The following CCDC149 variants were observed in gnomAD, a reference collection of about 807,000 sequenced individuals.
The protein encoded by CCDC149 is coiled-coil domain-containing protein 149.
Under a neutral mutation model 59.9 loss-of-function variants are expected in CCDC149, and 45 were observed. The ratio of observed to expected loss-of-function variants is 0.75; its 90% CI spans 0.59 to 0.96. The LOEUF is 0.96. CCDC149 is among the 40% of genes least tolerant of loss of function. CCDC149 has a pLI of 0.00. For missense variants in CCDC149, 584 were observed against 664.7 expected (o/e 0.88, Z 1.33); for synonymous variants, 245 against 260.6 (o/e 0.94, Z 0.58).
intron 1 of CCDC149, among the ~76,000 whole-genome samples, chr4:24,947,849 A>T (rs538839969): frequency 6.6e-6 from 1 of 152,152 alleles, no homozygotes; most frequent in East Asian, 1.9e-4. Context: ...GCAGATAGTT[A>T]GTGGCATTGA....
chr4:24,887,934 C>T (rs956542372), intron 1 of CCDC149, among the ~76,000 whole-genome samples: 1 of 152,180 alleles, frequency 6.6e-6, no homozygotes, highest in Non-Finnish European at 1.5e-5. Context: ...CCTGTTCAGC[C>T]CACCTACTGC....
At position 24,831,989 on chromosome 4, in the gene CCDC149, A is replaced by T. The variant is rs112240393; in HGVS notation, c.821-339T>A. Among the ~76,000 whole-genome samples, 788 of 152,344 alleles carry T rather than the reference A, an allele frequency of 5.2e-3. 1 individual carries two copies. Among genetic ancestry groups the T allele is most frequent in the Non-Finnish European group, 8.1e-3 (549 of 68,034 alleles). Reference sequence around the variant, plus strand: ...TGAAATATTGATTTTTTTCCATTTCATGGACAAAGCAAGGCACAGATGGGT... The same window carrying T: ...TGAAATATTGATTTTTTTCCATTTCTTGGACAAAGCAAGGCACAGATGGGT... On this transcript the variant is annotated intron_variant, in intron 8 of 12. Transcript: ENST00000635206.
chr4:24,941,406 G>A (rs1162010153), intron 1 of CCDC149, among the ~76,000 whole-genome samples: 1 of 152,112 alleles, frequency 6.6e-6, no homozygotes, highest in Non-Finnish European at 1.5e-5. Flanking sequence ...AGTGTGTAGA[G>A]GGAAATTTAT....
chr4:24,872,056 A>G (rs1257716903), intron 3 of CCDC149, among the ~76,000 whole-genome samples: 2 of 152,258 alleles, frequency 1.3e-5, no homozygotes, highest in Non-Finnish European at 2.9e-5. Flanking sequence ...GAAAAGGAAG[A>G]GCAAAGTGAA....
intron 7 of CCDC149, among the ~76,000 whole-genome samples, chr4:24,835,367 T>C (rs1716450036): frequency 6.6e-6 from 1 of 152,202 alleles, no homozygotes; most frequent in Non-Finnish European, 1.5e-5. Flanking sequence ...GAAAATTCCT[T>C]CTGAATAGAC....
chr4:24,869,947 G>A (rs1225732948), intron 3 of CCDC149, among the ~76,000 whole-genome samples: 1 of 152,156 alleles, frequency 6.6e-6, no homozygotes, highest in Non-Finnish European at 1.5e-5. Context: ...CCAGGAATGG[G>A]AGCAAGTCCT....
At chr4:24,967,071 G>A (rs1354915515) in intron 1 of CCDC149, among the ~76,000 whole-genome samples, 1 of 152,154 alleles carries the variant, frequency 6.6e-6, no homozygotes, top group African/African-American at 2.4e-5. Flanking sequence ...CCTGACATCG[G>A]CTGTTTGGCT....
chr4:24,861,666 G>C (rs1718394046), intron 3 of CCDC149, among the ~76,000 whole-genome samples: 1 of 152,020 alleles, frequency 6.6e-6, no homozygotes, highest in African/African-American at 2.4e-5. Context: ...CTTGTAAGCT[G>C]AGGAGCATCT....
At chr4:24,919,570 T>C (rs768592051) in intron 1 of CCDC149, among the ~76,000 whole-genome samples, 1 of 152,196 alleles carries the variant, frequency 6.6e-6, no homozygotes, top group Non-Finnish European at 1.5e-5. Context: ...AGGGGCAGGA[T>C]TGAAGACTAC....
chr4:24,839,057 CACACAG>C (rs770513862), intron 4 of CCDC149, among the ~76,000 whole-genome samples: 13,077 of 142,440 alleles, frequency 0.092, 589 homozygotes, highest in East Asian at 0.15. Context: ...CACACACACA[CACACAG>C]AGAGAGAGAG....
At chr4:24,880,920 G>A (rs1218590243) in intron 1 of CCDC149, among the ~76,000 whole-genome samples, 2 of 152,134 alleles carry the variant, frequency 1.3e-5, no homozygotes, top group Non-Finnish European at 2.9e-5. Flanking sequence ...TCACCACCTT[G>A]AGGAACCCAC....
At chr4:24,864,334 C>A (rs916825253) in intron 3 of CCDC149, among the ~76,000 whole-genome samples, 1 of 152,166 alleles carries the variant, frequency 6.6e-6, no homozygotes, top group Non-Finnish European at 1.5e-5. Flanking sequence ...GCTAATAATG[C>A]CACTATTGTA....
At chr4:24,871,527 C>T (rs1286151747) in intron 3 of CCDC149, among the ~76,000 whole-genome samples, 2 of 152,116 alleles carry the variant, frequency 1.3e-5, no homozygotes, top group African/African-American at 2.4e-5. Flanking sequence ...CATAAAAAGC[C>T]GTCATTTAGG....
chr4:24,824,676 C>T (rs545729029), intron 9 of CCDC149, among the ~76,000 whole-genome samples: 77 of 152,298 alleles, frequency 5.1e-4, no homozygotes, highest in Non-Finnish European at 8.7e-4. Flanking sequence ...CCCCTCTTCC[C>T]ATTAGGAAGC....
chr4:24,969,934 G>A (rs769840405), intron 1 of CCDC149, among the ~76,000 whole-genome samples: 3 of 152,196 alleles, frequency 2.0e-5, no homozygotes, highest in Admixed American at 6.5e-5. Flanking sequence ...GTTCATAGGG[G>A]AAAGGCCAGG....
chr4:24,949,388 G>C (rs1723209332), intron 1 of CCDC149, among the ~76,000 whole-genome samples: 2 of 135,792 alleles, frequency 1.5e-5, no homozygotes, highest in South Asian at 2.6e-4. Context: ...GACACTTCCA[G>C]CTTCTGAGAT....
chr4:24,927,891 T>G (rs763914672), intron 1 of CCDC149, among the ~76,000 whole-genome samples: 2 of 151,388 alleles, frequency 1.3e-5, no homozygotes, highest in African/African-American at 2.4e-5. Flanking sequence ...CCTATACCTG[T>G]GCACATCCAT....
intron 12 of CCDC149, among the ~76,000 whole-genome samples, chr4:24,813,489 A>AATATATCTATATATCTATATATAT (rs1186488610): frequency 8.8e-6 from 1 of 113,724 alleles, no homozygotes; most frequent in African/African-American, 4.0e-5. Flanking sequence ...CAGCTTGGGG[A>AATATATCTATATATCTATATATAT]ATATATATAT....
In CCDC149 at chr4:24,919,936, C is replaced by T. The variant is rs142041005; in HGVS notation, c.-64-24818G>A. On this transcript the variant is annotated intron_variant, in intron 1 of 12. Transcript: ENST00000389609. ...ATATTAAGAATCAGAGATCTGGACC[C>T]CTTGCTATACAAGAGAAGATATAGA... 1.9e-3 allele frequency among the ~76,000 whole-genome samples: 290 copies of T among 152,216 alleles called. 1 individual carries two copies. Among genetic ancestry groups the T allele is most frequent in the Middle Eastern group, 0.01 (3 of 294 alleles).
Sources: gnomAD v4.1 joint callset for allele counts (sites outside exome capture counted in the v4.1 genomes callset) on GRCh38, gnomAD v4.1.1 for gene constraint, MANE v1.5 for transcripts, NCBI Gene and HGNC (gene_info 2026-07-23, HGNC 2026-07-21) for gene names.